The following ZNF672 variants were observed in gnomAD, a reference collection of about 807,000 sequenced individuals.
ZNF672 encodes the protein zinc finger protein 672, also known as hypothetical protein FLJ22301.
For synonymous variants in ZNF672, 358 were observed against 305.6 expected (o/e 1.17, Z -1.79); for missense variants, 733 against 701.1 (o/e 1.05, Z -0.51).
intron 2 of ZNF672, among the ~76,000 whole-genome samples, chr1:248,845,073 G>T (rs1274956856): frequency 6.6e-6 from 1 of 152,168 alleles, no homozygotes; most frequent in Non-Finnish European, 1.5e-5. Flanking sequence ...AACCAGCCTG[G>T]CCAAGATGGT....
rs138636050 is a variant in ZNF672, at chr1:248,848,617, G to T, written c.1343G>T (p.Gly448Val). Residue 448 changes from glycine (G) to valine (V), a missense_variant, in exon 4 of 4, where the codon GGG becomes GTG. Coordinates refer to ENST00000306562, the MANE Select transcript of ZNF672 (RefSeq NM_024836.3). ...GGGCCGGCTGAACAGGAAAAGCCAGGGTTCTCTGTGTCCTAGTTGAGGGAG... is the reference window on the plus strand; with the variant it reads ...GGGCCGGCTGAACAGGAAAAGCCAGTGTTCTCTGTGTCCTAGTTGAGGGAG... The part of the protein sequence containing the change: ...FEGPAEQEKP[G>V]FSVS 8.7e-5 allele frequency: 138 copies of T among 1,578,614 alleles called. 1 individual carries two copies. Among genetic ancestry groups the T allele is most frequent in the South Asian group, 4.3e-4 (38 of 87,438 alleles).
In ZNF672 at chr1:248,848,948, C is replaced by G; in HGVS notation, c.*315C>G. The G allele has an allele frequency of 1.6e-6, 1 of 635,314 alleles. No homozygotes were observed. Among genetic ancestry groups the G allele is most frequent in the Non-Finnish European group, 3.0e-6 (1 of 332,216 alleles). The allele number at this position is 635,314 out of a possible 1,614,324, so 39.4% of individuals were successfully genotyped here. A position where few individuals can be genotyped will look rare whatever the true frequency, so the allele number is the denominator to read the frequency against. The stretch of plus-strand genomic sequence containing the variant: ...GTGTTGGTGTGTCCCTTTAATGCTA[C>G]TGTGCTCTCTGGTGTTTCTGATTTT... On this transcript the variant is annotated 3_prime_UTR_variant, in exon 4 of 4. Transcript: ENST00000306562.
chr1:248,848,243 C>A lies in ZNF672; in HGVS notation c.969C>A (p.Arg323=). Reference sequence around the variant, plus strand: ...AGTGCGGCCGCCGCTTCAGCGACCGCTCGGACCTCACCAAGCACCGGCGCA... The same window carrying A: ...AGTGCGGCCGCCGCTTCAGCGACCGATCGGACCTCACCAAGCACCGGCGCA... ...CPECGRRFSD[R]SDLTKHRRTH... Residue 323 remains arginine (R), a synonymous_variant, in exon 4 of 4, where the codon CGC becomes CGA. Transcript: ENST00000306562. 1 of 1,602,774 alleles carries A rather than the reference C, an allele frequency of 6.2e-7. No individual in the cohort carries two copies.
Position 248,847,806 on chromosome 1 carries a change from C to T in ZNF672, c.532C>T (p.Leu178=), listed in dbSNP as rs1209834315. 6.5e-7 allele frequency: 1 copy of T among 1,548,594 alleles called. No homozygotes were observed. Among genetic ancestry groups the T allele is most frequent in the Admixed American group, 1.8e-5 (1 of 54,292 alleles). Residue 178 remains leucine (L), a synonymous_variant, in exon 4 of 4, where the codon CTG becomes TTG. Coordinates refer to ENST00000306562, the MANE Select transcript of ZNF672 (RefSeq NM_024836.3). ...CPRAFRSGAG[L]RSHARIHVSR... is the part of the protein sequence containing the mutation. ...GCGAGCCTTCCGAAGCGGCGCCGGG[C>T]TGCGGAGTCACGCGCGCATCCACGT...
In ZNF672 at chr1:248,848,695, G is replaced by A. The variant is rs1659266749; in HGVS notation, c.*62G>A. 2.7e-6 allele frequency: 4 copies of A among 1,505,386 alleles called. No individual in the cohort carries two copies. Among genetic ancestry groups the A allele is most frequent in the Admixed American group, 2.3e-5 (1 of 43,078 alleles). The allele number at this position is 1,505,386 out of a possible 1,614,324, so 93.3% of individuals were successfully genotyped here. A position where few individuals can be genotyped will look rare whatever the true frequency, so the allele number is the denominator to read the frequency against. On this transcript the variant is annotated 3_prime_UTR_variant, in exon 4 of 4. Coordinates refer to ENST00000306562, the MANE Select transcript of ZNF672 (RefSeq NM_024836.3). Reference sequence around the variant, plus strand: ...TGGGCAAGCACCTATATAGTATCACGGGGACAGTTGAGGCAACTCGTAGAT... The same window carrying A: ...TGGGCAAGCACCTATATAGTATCACAGGGACAGTTGAGGCAACTCGTAGAT...
intron 1 of ZNF672, among the ~76,000 whole-genome samples, chr1:248,840,393 A>G (rs1267570815): frequency 1.3e-5 from 2 of 152,200 alleles, no homozygotes; most frequent in Non-Finnish European, 2.9e-5. Context: ...TGCCTGGCCA[A>G]CTTTCTTTAC....
Position 248,847,543 on chromosome 1 carries a change from G to A in ZNF672, c.269G>A (p.Gly90Asp). The A allele has an allele frequency of 2.5e-6, 4 of 1,591,034 alleles. No homozygotes were observed. The highest frequency in any genetic ancestry group is 3.4e-6 in the Non-Finnish European group (4 of 1,170,516). ...RHSGRLDLHL[G>D]AHRQRCRTCP... is the part of the protein sequence containing the mutation. ...AGCGGCCGTCTTGACCTACACTTGG[G>A]CGCACACCGGCAGCGATGCCGCACT... Residue 90 changes from glycine (G) to aspartate (D), a missense_variant, in exon 4 of 4, where the codon GGC (glycine) becomes GAC (aspartate). Physicochemically the swap from Gly to Asp is moderately conservative, Grantham distance 94 (BLOSUM62 -1). Transcript: ENST00000306562.
At chr1:248,840,915 G>A (rs535018321) in intron 1 of ZNF672, among the ~76,000 whole-genome samples, 2 of 152,042 alleles carry the variant, frequency 1.3e-5, no homozygotes, top group South Asian at 2.1e-4. Context: ...TATGATGACT[G>A]TAGTCAGAGT....
chr1:248,839,347 C>T (rs914721817), intron 1 of ZNF672: 1 of 152,218 alleles, frequency 6.6e-6, no homozygotes, highest in Non-Finnish European at 1.5e-5. Context: ...TAAGAACTGC[C>T]CAGGGCCGGG....
intron 1 of ZNF672, among the ~76,000 whole-genome samples, chr1:248,841,213 C>T (rs1664675061): frequency 6.6e-6 from 1 of 152,232 alleles, no homozygotes; most frequent in Non-Finnish European, 1.5e-5. Flanking sequence ...AGGGACCTAA[C>T]ATTTGGGAAA....
At chr1:248,840,384 GCCTGGCCAA>G (rs1334424467) in intron 1 of ZNF672, among the ~76,000 whole-genome samples, 14 of 152,228 alleles carry the variant, frequency 9.2e-5, no homozygotes, top group African/African-American at 3.4e-4. Flanking sequence ...GAGCCACCGT[GCCTGGCCAA>G]CTTTCTTTAC....
chr1:248,841,895 C>T (rs1437925593), intron 1 of ZNF672, among the ~76,000 whole-genome samples: 1 of 152,094 alleles, frequency 6.6e-6, no homozygotes, highest in Admixed American at 6.5e-5. Context: ...CGCCACTGCA[C>T]TTTAGCCTGG....
At chr1:248,842,893 T>C (rs953881129) in intron 1 of ZNF672, 2 of 152,196 alleles carry the variant, frequency 1.3e-5, no homozygotes, top group African/African-American at 4.8e-5. Context: ...ATTCCATTCC[T>C]GGGTCAGGGC....
Position 248,848,565 on chromosome 1 carries a change from G to A in ZNF672, c.1291G>A (p.Ala431Thr), listed in dbSNP as rs1318723213. 1.2e-5 allele frequency: 19 copies of A among 1,598,888 alleles called. No individual in the cohort carries two copies. Among genetic ancestry groups the A allele is most frequent in the African/African-American group, 6.7e-5 (5 of 74,600 alleles). Reference protein sequence around the residue: ...RTAAAVAIQSAVGTALVFEGP... With the variant: ...RTAAAVAIQSTVGTALVFEGP... ...CGCTGCCGCCGTTGCCATCCAGTCC[G>A]CAGTGGGCACTGCCCTCGTCTTTGA... Residue 431 changes from alanine (A) to threonine (T), a missense_variant, in exon 4 of 4, where the codon GCA (alanine) becomes ACA (threonine). Coordinates refer to ENST00000306562, the MANE Select transcript of ZNF672 (RefSeq NM_024836.3).
intron 3 of ZNF672, among the ~76,000 whole-genome samples, chr1:248,846,811 C>T (rs1664767581): frequency 6.6e-6 from 1 of 152,176 alleles, no homozygotes; most frequent in Non-Finnish European, 1.5e-5. Context: ...TAAATGCAAG[C>T]TCCCCTTTGA....
At chr1:248,845,240 C>T (rs929037227) in intron 2 of ZNF672, among the ~76,000 whole-genome samples, 1 of 152,136 alleles carries the variant, frequency 6.6e-6, no homozygotes, top group African/African-American at 2.4e-5. Flanking sequence ...CTAGCCTGGG[C>T]GACAGGGCGA....
intron 1 of ZNF672, chr1:248,839,039 T>C (rs1374943068): frequency 2.0e-5 from 3 of 152,322 alleles, no homozygotes; most frequent in Non-Finnish European, 4.4e-5. Context: ...CAGGATTGGC[T>C]GCGCTGCTGT....
chr1:248,848,355 C>T lies in ZNF672; in HGVS notation c.1081C>T (p.His361Tyr), dbSNP rs746474108. ...CAATCTCAACGTGCATCGGCGCAAC[C>T]ATGCCGGCCACAAGCCACACAAATG... ...VSNLNVHRRN[H>Y]AGHKPHKCPE... is the part of the protein sequence containing the mutation. Residue 361 changes from histidine to tyrosine, a missense_variant, in exon 4 of 4, where the codon CAT becomes TAT. By Grantham distance (83) the His-to-Tyr change is moderately conservative. Coordinates refer to ENST00000306562, the MANE Select transcript of ZNF672 (RefSeq NM_024836.3). 6.2e-7 allele frequency: 1 copy of T among 1,601,522 alleles called. No homozygotes were observed. The highest frequency in any genetic ancestry group is 8.5e-7 in the Non-Finnish European group (1 of 1,179,766).
In ZNF672 at chr1:248,847,148, G is replaced by C; in HGVS notation, c.-127G>C. 7.7e-7 allele frequency: 1 copy of C among 1,299,134 alleles called. No homozygotes were observed. Among genetic ancestry groups the C allele is most frequent in the African/African-American group, 1.5e-5 (1 of 67,266 alleles). The allele number at this position is 1,299,134 out of a possible 1,614,324, so 80.5% of individuals were successfully genotyped here. ...ACCCTGAAATCAGACCAGTTTTTGC[G>C]GCCTCCCCCTTTCCTCTCTGTTACA... is the stretch of plus-strand genomic sequence containing the variant. On this transcript the variant is annotated 5_prime_UTR_variant, in exon 4 of 4. Transcript: ENST00000306562.
Sources: gnomAD v4.1 joint callset for allele counts (sites outside exome capture counted in the v4.1 genomes callset) on GRCh38, gnomAD v4.1.1 for gene constraint, MANE v1.5 for transcripts, NCBI Gene and HGNC (gene_info 2026-07-23, HGNC 2026-07-21) for gene names.